The following ZNF473 variants were observed in gnomAD, a reference collection of about 807,000 sequenced individuals.
ZNF473 encodes the protein zinc finger protein 473, also known as zinc finger protein 100 homolog.
A neutral mutation model predicts 11.1 loss-of-function variants in ZNF473; 4 were observed. That is an observed-to-expected ratio of 0.36 (90% confidence interval 0.18 to 0.82). ZNF473 has a LOEUF of 0.82. Ranked by LOEUF, ZNF473 falls within the 40% of genes least tolerant of loss-of-function variation. The pLI, the probability that ZNF473 is intolerant of heterozygous loss-of-function variation, is 0.49. For missense variants in ZNF473, 854 were observed against 1,084.0 expected, an observed-to-expected ratio of 0.79 and a Z score of 2.98; for synonymous variants, 404 against 390.4, an observed-to-expected ratio of 1.03 and a Z score of -0.41.
rs1210292525 is a variant in ZNF473, at chr19:50,047,869, A to C, written c.*810A>C. The C allele has an allele frequency of 2.6e-5, 4 of 152,250 alleles. No homozygotes were observed. Among genetic ancestry groups the C allele is most frequent in the African/African-American group, 7.2e-5 (3 of 41,460 alleles). The allele number at this position is 152,250 out of a possible 1,614,324, so 9.4% of individuals were successfully genotyped here. ...TTTTCATGGGAGTTGACACCAAAAC[A>C]CAGCTGGATTCCATCAGGAAAGCTG... On this transcript the variant is annotated 3_prime_UTR_variant, in exon 5 of 5. Transcript: ENST00000270617.
In ZNF473 at chr19:50,047,275, G is replaced by A. The variant is rs1979195517; in HGVS notation, c.*216G>A. ...GTAGGCTCTGGAGCCAGTCTACCTT[G>A]AGTTAAATCCCACCTCTGCCATCTA... On this transcript the variant is annotated 3_prime_UTR_variant, in exon 5 of 5. Transcript: ENST00000270617. The A allele has an allele frequency of 3.8e-6, 2 of 522,726 alleles. No individual in the cohort carries two copies. The highest frequency in any genetic ancestry group is 6.8e-6 in the Non-Finnish European group (2 of 294,494). 32.4% of individuals were successfully genotyped at this position (522,726 alleles called of 1,614,324 possible). A position where few individuals can be genotyped will look rare whatever the true frequency, so the allele number is the denominator to read the frequency against.
intron 1 of ZNF473, among the ~76,000 whole-genome samples, chr19:50,028,365 G>A (rs973852503): frequency 6.6e-6 from 1 of 151,588 alleles, no homozygotes; most frequent in Non-Finnish European, 1.5e-5. Flanking sequence ...ATTCAGGCTG[G>A]AGTACAGTGA....
In ZNF473 at chr19:50,047,554, C is replaced by A. The variant is rs9304701; in HGVS notation, c.*495C>A. 6.5e-6 allele frequency: 1 copy of A among 153,976 alleles called. No homozygotes were observed. The highest frequency in any genetic ancestry group is 2.4e-5 in the African/African-American group (1 of 41,432). 9.5% of individuals were successfully genotyped at this position (153,976 alleles called of 1,614,324 possible). A position where few individuals can be genotyped will look rare whatever the true frequency, so the allele number is the denominator to read the frequency against. Reference sequence around the variant, plus strand: ...GTGTTTACTGTAGTTAATGTTCTTACAATGTATCGCTTTTAATTTAAGTTT... The same window carrying A: ...GTGTTTACTGTAGTTAATGTTCTTAAAATGTATCGCTTTTAATTTAAGTTT... On this transcript the variant is annotated 3_prime_UTR_variant, in exon 5 of 5. Transcript: ENST00000270617.
chr19:50,032,247 C>T (rs2122807127), intron 2 of ZNF473, among the ~76,000 whole-genome samples: 1 of 151,016 alleles, frequency 6.6e-6, no homozygotes, highest in South Asian at 2.1e-4. Flanking sequence ...CAAAGGTCCT[C>T]TTTGATCTGG....
In ZNF473 at chr19:50,045,616, T is replaced by C. The variant is rs1293012644; in HGVS notation, c.1173T>C (p.Ile391=). ...GKIFRHSSLL[I]EHQALHAGEE... is the part of the protein sequence containing the mutation. ...TTTTTAGGCACAGTTCGCTGCTCAT[T>C]GAACACCAGGCTCTTCATGCTGGAG... is the stretch of plus-strand genomic sequence containing the variant. The change falls in exon 5 of 5, where the codon ATT becomes ATC. Residue 391 remains isoleucine (I), a synonymous_variant. Transcript: ENST00000270617. The C allele has an allele frequency of 2.5e-6, 4 of 1,614,002 alleles. No homozygotes were observed. The highest frequency in any genetic ancestry group is 3.4e-6 in the Non-Finnish European group (4 of 1,180,028).
intron 2 of ZNF473, among the ~76,000 whole-genome samples, chr19:50,038,352 G>C (rs28575737): frequency 0.052 from 7,956 of 151,998 alleles, 690 homozygotes; most frequent in African/African-American, 0.18. Context: ...GGGTAACCAT[G>C]TGTTACCCAA....
Position 50,030,938 on chromosome 19 carries a change from G to A in ZNF473, c.-145G>A. On this transcript the variant is annotated 5_prime_UTR_variant, in exon 2 of 5. Coordinates refer to ENST00000270617, the MANE Select transcript of ZNF473 (RefSeq NM_015428.4). ...TCCTCCTCCTCCTGGACATTTTGGG[G>A]GCTCGTCAGCATGGACAGCGAGTCA... is the stretch of plus-strand genomic sequence containing the variant. 8.4e-7 allele frequency: 1 copy of A among 1,191,052 alleles called. No individual in the cohort carries two copies. The highest frequency in any genetic ancestry group is 2.6e-5 in the East Asian group (1 of 39,140). 73.8% of individuals were successfully genotyped at this position (1,191,052 alleles called of 1,614,324 possible).
At position 50,031,014 on chromosome 19, in the gene ZNF473, C is replaced by G. The variant is rs1382545694; in HGVS notation, c.-69C>G. Reference sequence around the variant, plus strand: ...CACAGCTCCCTTGTGCTTCCCACAGCCCTGCCAGCCGGGAACACGGAGGGG... The same window carrying G: ...CACAGCTCCCTTGTGCTTCCCACAGGCCTGCCAGCCGGGAACACGGAGGGG... On this transcript the variant is annotated 5_prime_UTR_variant, in exon 2 of 5. Coordinates refer to ENST00000270617, the MANE Select transcript of ZNF473 (RefSeq NM_015428.4). 23 of 1,550,982 alleles carry G rather than the reference C, an allele frequency of 1.5e-5. No individual in the cohort carries two copies. The highest frequency in any genetic ancestry group is 1.8e-5 in the Non-Finnish European group (21 of 1,146,446).
intron 2 of ZNF473, among the ~76,000 whole-genome samples, chr19:50,034,827 G>A (rs1000470180): frequency 6.6e-6 from 1 of 152,132 alleles, no homozygotes; most frequent in Admixed American, 6.5e-5. Context: ...TGGCAGCTAG[G>A]TCCAGAGGCT....
At position 50,046,964 on chromosome 19, in the gene ZNF473, CTT is replaced by C. The variant is rs746517288; in HGVS notation, c.2523_2524del (p.Tyr842SerfsTer41). ...QHLRVHTQET[L>X]YQCQRCQKAF... ...CCTGAGAGTTCACACCCAGGAGACA[CTT>C]TATCAGTGTCAACGTTGCCAGAAAG... is the stretch of plus-strand genomic sequence containing the variant. On this transcript the variant is annotated frameshift_variant, in exon 5 of 5. Coordinates refer to ENST00000270617, the MANE Select transcript of ZNF473 (RefSeq NM_015428.4). LOFTEE classifies it low-confidence loss of function (END_TRUNC). The surrounding 1 kb of genome is among the most constrained non-coding windows in gnomAD (Gnocchi z 5.9). The C allele has an allele frequency of 1.2e-6, 2 of 1,614,178 alleles. No homozygotes were observed. Among genetic ancestry groups the C allele is most frequent in the Admixed American group, 1.7e-5 (1 of 60,018 alleles).
At position 50,045,869 on chromosome 19, in the gene ZNF473, C is replaced by A. The variant is rs760348787; in HGVS notation, c.1426C>A (p.Arg476=). ...TTTCAGCCGGCCCTCACATCTGATG[C>A]GACATCAGGCCATTCACACCGCAGA... ...RSFSRPSHLM[R]HQAIHTAEKP... is the part of the protein sequence containing the mutation. The change falls in exon 5 of 5, where the codon CGA becomes AGA. Residue 476 remains arginine, a synonymous_variant. Coordinates refer to ENST00000270617, the MANE Select transcript of ZNF473 (RefSeq NM_015428.4). The A allele has an allele frequency of 3.1e-6, 5 of 1,614,052 alleles. No individual in the cohort carries two copies. The Admixed American group carries it at 8.3e-5, about 27-fold the overall frequency.
intron 4 of ZNF473, chr19:50,043,565 C>CA (rs1048600192): frequency 6.0e-5 from 9 of 150,892 alleles, no homozygotes; most frequent in African/African-American, 2.2e-4. Context: ...TCGAGTGTAA[C>CA]AGAGTGCCTG....
intron 1 of ZNF473, 55 bp downstream of exon 1, chr19:50,026,177 A>G (rs998722311): frequency 6.5e-6 from 1 of 152,726 alleles, no homozygotes; most frequent in Non-Finnish European, 1.5e-5. Flanking sequence ...CTGAGAGGTG[A>G]CGGAATGCAA....
At chr19:50,037,985 C>T (rs896750916) in intron 2 of ZNF473, among the ~76,000 whole-genome samples, 5 of 148,308 alleles carry the variant, frequency 3.4e-5, no homozygotes, top group East Asian at 2.0e-4. Flanking sequence ...CGAACTCTAC[C>T]GCTGACTAGC....
At chr19:50,027,598 C>T (rs1451635460) in intron 1 of ZNF473, among the ~76,000 whole-genome samples, 1 of 152,088 alleles carries the variant, frequency 6.6e-6, no homozygotes, top group Non-Finnish European at 1.5e-5. Flanking sequence ...ATCTCAAGCT[C>T]AGCTGTCTGT....
rs920512866 is a variant in ZNF473 at position 50,045,965 on chromosome 19, A to G, written c.1522A>G (p.Met508Val). Residue 508 changes from methionine (M) to valine (V), a missense_variant, in exon 5 of 5, where the codon ATG becomes GTG. Coordinates refer to ENST00000270617, the MANE Select transcript of ZNF473 (RefSeq NM_015428.4). ...CAATCGCCTTGTGCAACACCAGAAAATGCACACTGTCAAAACCCCATATGA... is the reference window on the plus strand; with the variant it reads ...CAATCGCCTTGTGCAACACCAGAAAGTGCACACTGTCAAAACCCCATATGA... ...DNNRLVQHQKMHTVKTPYECQ... is the reference protein window; with the variant it reads ...DNNRLVQHQKVHTVKTPYECQ... 6.2e-7 allele frequency: 1 copy of G among 1,614,180 alleles called. No individual in the cohort carries two copies. The highest frequency in any genetic ancestry group is 8.5e-7 in the Non-Finnish European group (1 of 1,180,036).
In ZNF473 at chr19:50,046,422, A is replaced by G; in HGVS notation, c.1979A>G (p.His660Arg). ...GGAAAGACCTTCAGCCACAGTGCAC[A>G]CCTCTCAAAACATCAGTTAATTCAC... ...ECGKTFSHSA[H>R]LSKHQLIHAG... Residue 660 changes from histidine (H) to arginine (R), a missense_variant, in exon 5 of 5, where the codon CAC (histidine) becomes CGC (arginine). By Grantham distance (29) the His-to-Arg change is conservative. This residue lies in a region of ZNF473 where 186 missense variants were observed against 293.8 expected (regional missense o/e 0.63). Coordinates refer to ENST00000270617, the MANE Select transcript of ZNF473 (RefSeq NM_015428.4). This position sits in a 1 kb window ranked among gnomAD's most constrained non-coding sequence, Gnocchi z 5.9. 6.2e-7 allele frequency: 1 copy of G among 1,614,164 alleles called. No homozygotes were observed.
chr19:50,033,413 C>A (rs1295711225), intron 2 of ZNF473, among the ~76,000 whole-genome samples: 3 of 152,038 alleles, frequency 2.0e-5, no homozygotes, highest in Admixed American at 2.0e-4. Flanking sequence ...CCCTGGAGAT[C>A]ATTGTATGGT....
Position 50,046,296 on chromosome 19 carries a change from T to C in ZNF473, c.1853T>C (p.Leu618Pro). ...HHQRIHSRVR[L>P]YKWGEQGKAI... The stretch of plus-strand genomic sequence containing the variant: ...CAAAGAATCCACTCTAGAGTGAGGC[T>C]GTATAAATGGGGTGAGCAAGGGAAA... Residue 618 changes from leucine to proline, a missense_variant, in exon 5 of 5, where the codon CTG becomes CCG. Leu to Pro is a moderately conservative substitution (Grantham distance 98). Around this residue, in one of 2 missense-constraint regions of ZNF473, gnomAD observed 668 missense variants for 790.2 expected, o/e 0.85. Transcript: ENST00000270617. This position sits in a 1 kb window ranked among gnomAD's most constrained non-coding sequence, Gnocchi z 5.9. The C allele has an allele frequency of 6.2e-7, 1 of 1,614,106 alleles. No homozygotes were observed. The highest frequency in any genetic ancestry group is 2.2e-5 in the East Asian group (1 of 44,870).
Sources: gnomAD v4.1 joint callset for allele counts (sites outside exome capture counted in the v4.1 genomes callset) on GRCh38, gnomAD v4.1.1 for gene constraint, gnomAD v4.1.1 regional missense constraint, Gnocchi (gnomAD v3.1) non-coding constraint, MANE v1.5 for transcripts, NCBI Gene and HGNC (gene_info 2026-07-23, HGNC 2026-07-21) for gene names.